NLK: variants seen among roughly 807,000 people sequenced by gnomAD.
NLK encodes the protein serine/threonine-protein kinase NLK.
NLK carries 11 observed loss-of-function variants against 59.0 expected under a neutral mutation model. The ratio of observed to expected loss-of-function variants is 0.19; its 90% CI spans 0.12 to 0.31. NLK has a LOEUF of 0.31. Among genes scored for constraint, NLK ranks in the 10% least tolerant of loss-of-function variants. NLK has a pLI of 1.00. For missense variants in NLK, 410 were observed against 661.1 expected (o/e 0.62, Z 4.16); for synonymous variants, 235 against 235.9 (o/e 1.00, Z 0.03).
intron 2 of NLK, among the ~76,000 whole-genome samples, chr17:28,126,246 A>T (rs1408212357): frequency 6.6e-6 from 1 of 152,240 alleles, no homozygotes; most frequent in Non-Finnish European, 1.5e-5. Flanking sequence ...AATGTATTCA[A>T]AGATTCCCTG....
chr17:28,080,582 G>A (rs1910311147), intron 1 of NLK, among the ~76,000 whole-genome samples: 1 of 152,178 alleles, frequency 6.6e-6, no homozygotes, highest in South Asian at 2.1e-4. Context: ...GCACGCTTAT[G>A]AATGAAGGGT....
At chr17:28,162,510 G>A (rs1246691263) in intron 4 of NLK, among the ~76,000 whole-genome samples, 3 of 152,028 alleles carry the variant, frequency 2.0e-5, no homozygotes, top group Non-Finnish European at 4.4e-5. Context: ...GGTGGCACTC[G>A]CCTGTAGTCT....
intron 5 of NLK, among the ~76,000 whole-genome samples, chr17:28,166,244 C>T (rs1908232121): frequency 6.6e-6 from 1 of 152,022 alleles, no homozygotes; most frequent in Admixed American, 6.6e-5. Context: ...GTTATTTGAA[C>T]ATATTTGATG....
At chr17:28,137,361 C>A (rs1435301804) in intron 3 of NLK, among the ~76,000 whole-genome samples, 1 of 151,818 alleles carries the variant, frequency 6.6e-6, no homozygotes, top group Non-Finnish European at 1.5e-5. Flanking sequence ...TACATCGAGT[C>A]AAAAATATAT....
At chr17:28,043,572 A>G (rs949812923) in intron 1 of NLK, among the ~76,000 whole-genome samples, 13 of 152,188 alleles carry the variant, frequency 8.5e-5, no homozygotes, top group African/African-American at 1.4e-4. Context: ...CTGTCTACCA[A>G]ACTTTTCTAT....
chr17:28,096,214 C>G lies in NLK; in HGVS notation c.459-26389C>G, dbSNP rs34807539. Among the ~76,000 whole-genome samples the G allele has an allele frequency of 5.7e-3, 867 of 152,210 alleles. 9 individuals are homozygous for G. Among genetic ancestry groups the G allele is most frequent in the African/African-American group, 0.02 (829 of 41,502 alleles). ...CTATTTCAGTGGCATCCTGGACTTTCTACTGACTCACTAAAAATAGGGATT... is the reference window on the plus strand; with the variant it reads ...CTATTTCAGTGGCATCCTGGACTTTGTACTGACTCACTAAAAATAGGGATT... On this transcript the variant is annotated intron_variant, in intron 1 of 10. Coordinates refer to ENST00000407008, the MANE Select transcript of NLK (RefSeq NM_016231.5).
At chr17:28,182,881 A>G (rs2142067013) in intron 7 of NLK, among the ~76,000 whole-genome samples, 1 of 152,368 alleles carries the variant, frequency 6.6e-6, no homozygotes, top group East Asian at 1.9e-4. Flanking sequence ...AAATGAGAGA[A>G]ACACATATGT....
chr17:28,192,302 G>T, intron 10 of NLK, 89 bp downstream of exon 10: 2 of 707,412 alleles, frequency 2.8e-6, no homozygotes, highest in South Asian at 3.6e-5. Context: ...TTTTTATTTA[G>T]ATAACATAGA....
intron 5 of NLK, among the ~76,000 whole-genome samples, chr17:28,167,400 CTT>C (rs558589473): frequency 3.5e-5 from 5 of 142,742 alleles, no homozygotes; most frequent in East Asian, 4.1e-4. Flanking sequence ...CCACGCCCAG[CTT>C]TTTTTTTTTT....
At chr17:28,166,221 T>A (rs112161055) in intron 5 of NLK, among the ~76,000 whole-genome samples, 3,388 of 152,146 alleles carry the variant, frequency 0.022, 108 homozygotes, top group African/African-American at 0.076. Flanking sequence ...TCAAAAAATA[T>A]ATATATATAT....
intron 1 of NLK, among the ~76,000 whole-genome samples, chr17:28,064,174 C>CTT (rs66949112): frequency 0.032 from 3,214 of 99,474 alleles, 99 homozygotes; most frequent in African/African-American, 0.046. Flanking sequence ...AGTTAGCAAA[C>CTT]TTTTTTTTTT....
intron 3 of NLK, among the ~76,000 whole-genome samples, chr17:28,157,038 A>G (rs1035273979): frequency 9.9e-5 from 15 of 152,072 alleles, no homozygotes; most frequent in African/African-American, 3.1e-4. Context: ...TGTTTTTGAG[A>G]CAGGGTCTCA....
At chr17:28,145,395 C>G (rs895156472) in intron 3 of NLK, among the ~76,000 whole-genome samples, 7 of 152,076 alleles carry the variant, frequency 4.6e-5, no homozygotes, top group African/African-American at 1.7e-4. Context: ...TTACCAAAAC[C>G]AGGAGTTACC....
chr17:28,051,039 C>T (rs1324631467), intron 1 of NLK, among the ~76,000 whole-genome samples: 1 of 148,684 alleles, frequency 6.7e-6, no homozygotes, highest in Non-Finnish European at 1.5e-5. Context: ...GATATCACAC[C>T]ACTGCACTCC....
At chr17:28,143,006 A>G (rs891094613) in intron 3 of NLK, among the ~76,000 whole-genome samples, 2 of 151,476 alleles carry the variant, frequency 1.3e-5, no homozygotes, top group Admixed American at 6.6e-5. Flanking sequence ...CACCTGACTC[A>G]TATTTGTTCC....
At chr17:28,127,634 G>T (rs1906344436) in intron 2 of NLK, among the ~76,000 whole-genome samples, 1 of 152,176 alleles carries the variant, frequency 6.6e-6, no homozygotes, top group Non-Finnish European at 1.5e-5. Flanking sequence ...AAGACTCAAT[G>T]TGATTGATAG....
At chr17:28,197,392 C>G (rs1421052963), downstream of NLK, among the ~76,000 whole-genome samples, 2 of 151,740 alleles carry the variant, frequency 1.3e-5, no homozygotes, top group East Asian at 1.9e-4. Flanking sequence ...TCGTTTGAAC[C>G]CAGGAGGTGG....
At chr17:28,115,590 G>C (rs1024770025) in intron 1 of NLK, among the ~76,000 whole-genome samples, 1 of 152,014 alleles carries the variant, frequency 6.6e-6, no homozygotes, top group African/African-American at 2.4e-5. Context: ...TTTCAAAACC[G>C]ACCTATCCTT....
At chr17:28,144,848 G>A (rs933003529) in intron 3 of NLK, among the ~76,000 whole-genome samples, 9 of 152,072 alleles carry the variant, frequency 5.9e-5, no homozygotes, top group African/African-American at 2.2e-4. Context: ...GAATCAGTGG[G>A]GCTTTTAGGC....
Sources: gnomAD v4.1 joint callset for allele counts (sites outside exome capture counted in the v4.1 genomes callset) on GRCh38, gnomAD v4.1.1 for gene constraint, MANE v1.5 for transcripts, NCBI Gene and HGNC (gene_info 2026-07-23, HGNC 2026-07-21) for gene names.